The following TDRD3 variants were observed in gnomAD, a reference collection of about 807,000 sequenced individuals.
The protein encoded by TDRD3 is tudor domain-containing protein 3.
In TDRD3, 45 loss-of-function variants were observed where a neutral mutation model predicts 86.7. That is an observed-to-expected ratio of 0.52 (90% CI 0.41 to 0.67). The LOEUF is 0.67. Ranked by LOEUF, TDRD3 falls within the 30% of genes least tolerant of loss-of-function variation. The probability of loss-of-function intolerance (pLI) is 0.00; values close to 1 mark genes in which losing one functional copy is unlikely to be tolerated. For missense variants in TDRD3, 814 were observed against 889.0 expected, an observed-to-expected ratio of 0.92 and a Z score of 1.07; for synonymous variants, 298 against 301.7, an observed-to-expected ratio of 0.99 and a Z score of 0.13.
At chr13:60,397,615 CGGCCTGGGCCCCGGGCGGCG>C (rs781624299) in intron 1 of TDRD3, among the ~76,000 whole-genome samples, 29,241 of 145,598 alleles carry the variant, frequency 0.2, 3,449 homozygotes, top group South Asian at 0.29. Context: ...GCGGCGGCGG[CGGCCTGGGCCCCGGGCGGCG>C]GGCCTGGGCC....
At chr13:60,487,536 G>A (rs1307391748) in intron 7 of TDRD3, among the ~76,000 whole-genome samples, 1 of 152,176 alleles carries the variant, frequency 6.6e-6, no homozygotes, top group Non-Finnish European at 1.5e-5. Context: ...GTATGCAAAT[G>A]CTATATCATT....
chr13:60,544,112 T>A (rs7988525), intron 12 of TDRD3, among the ~76,000 whole-genome samples: 68,998 of 151,238 alleles, frequency 0.46, 16,148 homozygotes, highest in South Asian at 0.54. Flanking sequence ...CCTTTTTTTT[T>A]AAATTTTTTT....
chr13:60,468,326 T>C (rs1333408039), intron 5 of TDRD3, among the ~76,000 whole-genome samples: 5 of 152,184 alleles, frequency 3.3e-5, no homozygotes, highest in African/African-American at 1.2e-4. Context: ...TTCATCTTGT[T>C]TTTTCTCTCC....
intron 2 of TDRD3, among the ~76,000 whole-genome samples, chr13:60,443,319 C>T (rs1180846907): frequency 1.3e-5 from 2 of 151,880 alleles, no homozygotes; most frequent in South Asian, 2.1e-4. Flanking sequence ...AGGCGTACAA[C>T]GTGAGGTACG....
chr13:60,454,126 G>A (rs1955610091), intron 3 of TDRD3, among the ~76,000 whole-genome samples: 1 of 149,760 alleles, frequency 6.7e-6, no homozygotes, highest in Admixed American at 6.6e-5. Flanking sequence ...TTTGATTACA[G>A]AATATTAGGT....
chr13:60,508,230 G>T (rs1414195236), intron 8 of TDRD3, among the ~76,000 whole-genome samples: 1 of 152,102 alleles, frequency 6.6e-6, no homozygotes, highest in Non-Finnish European at 1.5e-5. Context: ...TCCCCATCAA[G>T]CTACCATTGG....
At chr13:60,460,564 A>G in intron 4 of TDRD3, 24 bp downstream of exon 4, 1 of 1,518,230 alleles carries the variant, frequency 6.6e-7, no homozygotes, top group Non-Finnish European at 8.8e-7. Context: ...TATTTTGTGT[A>G]TTTGTTACAG....
intron 7 of TDRD3, among the ~76,000 whole-genome samples, chr13:60,493,064 G>A (rs1166111589): frequency 2.9e-4 from 44 of 151,296 alleles, no homozygotes; most frequent in South Asian, 4.2e-4. Context: ...GACTACAGGC[G>A]CCCGCCAACA....
chr13:60,477,744 C>T (rs1346231414), intron 5 of TDRD3, among the ~76,000 whole-genome samples: 3 of 152,128 alleles, frequency 2.0e-5, no homozygotes, highest in African/African-American at 7.2e-5. Context: ...ATTGAATTAA[C>T]TTTTTGATGT....
chr13:60,567,762 T>C, intron 13 of TDRD3, 112 bp downstream of exon 13: 1 of 1,402,006 alleles, frequency 7.1e-7, no homozygotes, highest in Middle Eastern at 1.9e-4. Flanking sequence ...TCACTCTTGT[T>C]GCCCAGGCTG....
At chr13:60,401,511 G>C (rs1242520793) in intron 1 of TDRD3, among the ~76,000 whole-genome samples, 1 of 152,072 alleles carries the variant, frequency 6.6e-6, no homozygotes, top group African/African-American at 2.4e-5. Flanking sequence ...TGAAAAAGTG[G>C]GACACTGTAT....
Position 60,529,030 on chromosome 13 carries a change from C to T in TDRD3, c.1805C>T (p.Pro602Leu), listed in dbSNP as rs17855092. The T allele has an allele frequency of 1.2e-6, 2 of 1,613,956 alleles. No individual in the cohort carries two copies. Among genetic ancestry groups the T allele is most frequent in the East Asian group, 2.2e-5 (1 of 44,862 alleles). ...CCACTGAAAGGAAGACGAATAGGACCTATTAAGCCAGCAGGACCTGTCACA... is the reference window on the plus strand; with the variant it reads ...CCACTGAAAGGAAGACGAATAGGACTTATTAAGCCAGCAGGACCTGTCACA... ...EMPLKGRRIG[P>L]IKPAGPVTAV... is the part of the protein sequence containing the mutation. Residue 602 changes from proline (P) to leucine (L), a missense_variant, in exon 11 of 14, where the codon CCT becomes CTT. By Grantham distance (98) the Pro-to-Leu change is moderately conservative. Coordinates refer to ENST00000377881, the MANE Select transcript of TDRD3 (RefSeq NM_001146070.2).
intron 1 of TDRD3, among the ~76,000 whole-genome samples, chr13:60,425,658 G>A (rs1047377083): frequency 6.6e-6 from 1 of 152,018 alleles, no homozygotes; most frequent in African/African-American, 2.4e-5. Flanking sequence ...ATATACAGTT[G>A]ATCTTGAACA....
At chr13:60,512,859 T>G (rs1957088927) in intron 10 of TDRD3, among the ~76,000 whole-genome samples, 1 of 152,082 alleles carries the variant, frequency 6.6e-6, no homozygotes, top group Admixed American at 6.6e-5. Flanking sequence ...TCCAGGTAAA[T>G]GGTGCAAGCT....
intron 5 of TDRD3, among the ~76,000 whole-genome samples, chr13:60,474,724 T>TA (rs941193950): frequency 1.3e-5 from 2 of 152,232 alleles, no homozygotes; most frequent in African/African-American, 4.8e-5. Context: ...AAATGGTTTT[T>TA]AAAACAATGA....
intron 1 of TDRD3, among the ~76,000 whole-genome samples, chr13:60,410,652 A>T (rs893888943): frequency 6.6e-6 from 1 of 152,114 alleles, no homozygotes; most frequent in Admixed American, 6.5e-5. Flanking sequence ...AGTAATAATG[A>T]GATTTCTCAG....
chr13:60,406,730 G>C (rs1954243581), intron 1 of TDRD3, among the ~76,000 whole-genome samples: 1 of 152,130 alleles, frequency 6.6e-6, no homozygotes, highest in African/African-American at 2.4e-5. Context: ...ATTTGATATG[G>C]TCACTGTTAG....
At chr13:60,543,597 A>G (rs557623449) in intron 12 of TDRD3, among the ~76,000 whole-genome samples, 1 of 152,240 alleles carries the variant, frequency 6.6e-6, no homozygotes, top group African/African-American at 2.4e-5. Context: ...TTTCTCATTC[A>G]TAACATGGGT....
chr13:60,397,243 C>T lies in TDRD3; in HGVS notation c.-122C>T, dbSNP rs935331283. On this transcript the variant is annotated 5_prime_UTR_variant, in exon 1 of 14. Transcript: ENST00000377881. Reference sequence around the variant, plus strand: ...GCACTGAGCATGCCCAGTTGCAGAGCCGACCAGAGGAGTTTTTTCTTTTCT... The same window carrying T: ...GCACTGAGCATGCCCAGTTGCAGAGTCGACCAGAGGAGTTTTTTCTTTTCT... 11 of 541,722 alleles carry T rather than the reference C, an allele frequency of 2.0e-5. No homozygotes were observed. Among genetic ancestry groups the T allele is most frequent in the Admixed American group, 1.2e-4 (3 of 24,958 alleles). 33.6% of individuals were successfully genotyped at this position (541,722 alleles called of 1,614,324 possible).
Sources: gnomAD v4.1 joint callset for allele counts (sites outside exome capture counted in the v4.1 genomes callset) on GRCh38, gnomAD v4.1.1 for gene constraint, MANE v1.5 for transcripts, NCBI Gene and HGNC (gene_info 2026-07-23, HGNC 2026-07-21) for gene names.